PLD5: variants seen among roughly 807,000 people sequenced by gnomAD.
PLD5 encodes phospholipase D family member 5, also known as inactive phospholipase D5.
PLD5 carries 36 observed loss-of-function variants against 61.1 expected under a neutral mutation model. The ratio of observed to expected loss-of-function variants is 0.59; its 90% CI spans 0.45 to 0.78. PLD5 has a LOEUF of 0.78. Ranked by LOEUF, PLD5 falls within the 30% of genes least tolerant of loss-of-function variation. The pLI is 0.00. For missense variants in PLD5, 515 were observed against 644.4 expected, an observed-to-expected ratio of 0.80 and a Z score of 2.17; for synonymous variants, 243 against 242.8, an observed-to-expected ratio of 1.00 and a Z score of -0.01.
chr1:242,404,724 C>CCTT (rs66499858), intron 1 of PLD5, among the ~76,000 whole-genome samples: 2 of 19,850 alleles, frequency 1.0e-4, no homozygotes, highest in African/African-American at 1.1e-3. Context: ...CTTTTACTCA[C>CCTT]CTGACTCCAC....
At chr1:242,354,137 G>A (rs1349834338) in intron 1 of PLD5, among the ~76,000 whole-genome samples, 1 of 152,066 alleles carries the variant, frequency 6.6e-6, no homozygotes, top group East Asian at 1.9e-4. Context: ...ACCAGCAGAT[G>A]ATGATGAAAG....
rs982074925 is a variant in PLD5, at chr1:242,472,401, C to A, written c.189+51687G>T. Among the ~76,000 whole-genome samples, 9 of 152,324 alleles carry A rather than the reference C, an allele frequency of 5.9e-5. No individual in the cohort carries two copies. The East Asian group carries it at 1.7e-3, about 29-fold the overall frequency. ...GTGCGCCGATAGAGCAGAAGGCAAACCCTGCTGATCATTCTTATGAGTTTG... is the reference window on the plus strand; with the variant it reads ...GTGCGCCGATAGAGCAGAAGGCAAAACCTGCTGATCATTCTTATGAGTTTG... On this transcript the variant is annotated intron_variant, in intron 1 of 9. Transcript: ENST00000536534.
At chr1:242,451,317 A>T (rs6692842) in intron 1 of PLD5, among the ~76,000 whole-genome samples, 14,300 of 152,102 alleles carry the variant, frequency 0.094, 1,094 homozygotes, top group African/African-American at 0.21. Context: ...TATGACTGTC[A>T]CTCAACACTG....
intron 5 of PLD5, among the ~76,000 whole-genome samples, chr1:242,156,924 C>A (rs1432724793): frequency 6.6e-6 from 1 of 152,168 alleles, no homozygotes; most frequent in Non-Finnish European, 1.5e-5. Flanking sequence ...GGGAAGTTCT[C>A]CTGGATGATA....
At chr1:242,103,023 G>C (rs1660800241) in intron 8 of PLD5, among the ~76,000 whole-genome samples, 1 of 152,208 alleles carries the variant, frequency 6.6e-6, no homozygotes. Flanking sequence ...CTAGTGGCAG[G>C]TGTGCTGTGG....
At chr1:242,391,865 C>T (rs1377673745) in intron 1 of PLD5, among the ~76,000 whole-genome samples, 5 of 152,172 alleles carry the variant, frequency 3.3e-5, no homozygotes, top group Non-Finnish European at 5.9e-5. Context: ...TCTCAAAGAA[C>T]TTAAAACAGA....
intron 1 of PLD5, among the ~76,000 whole-genome samples, chr1:242,443,163 C>T (rs1183710053): frequency 6.6e-6 from 1 of 152,050 alleles, no homozygotes; most frequent in East Asian, 1.9e-4. Context: ...TGTGATTCCC[C>T]CCTTTTCCCT....
Position 242,148,802 on chromosome 1 carries a change from T to C in PLD5, c.736-24137A>G, listed in dbSNP as rs74150808. 8.9e-3 allele frequency among the ~76,000 whole-genome samples: 1,358 copies of C among 152,088 alleles called. 20 individuals carry two copies. Among genetic ancestry groups the C allele is most frequent in the African/African-American group, 0.031 (1,270 of 41,530 alleles). On this transcript the variant is annotated intron_variant, in intron 5 of 9. Transcript: ENST00000536534. ...GGTTGGGAACATTGATTTTTGTCTA[T>C]AGAAACACTGTATATAGAAAACATA...
chr1:242,094,110 C>T (rs1217653642), intron 9 of PLD5, among the ~76,000 whole-genome samples: 4 of 151,840 alleles, frequency 2.6e-5, no homozygotes, highest in African/African-American at 9.7e-5. Flanking sequence ...AATTGGGATG[C>T]AATTTCATCC....
chr1:242,301,718 CTG>C (rs1381458109), intron 2 of PLD5, among the ~76,000 whole-genome samples: 5 of 151,826 alleles, frequency 3.3e-5, no homozygotes, highest in Non-Finnish European at 5.9e-5. Flanking sequence ...AGTTGTAACA[CTG>C]TGTTTTTACA....
At chr1:242,351,855 C>CTATAT (rs1660494957) in intron 1 of PLD5, among the ~76,000 whole-genome samples, 1 of 152,158 alleles carries the variant, frequency 6.6e-6, no homozygotes, top group Non-Finnish European at 1.5e-5. Context: ...CCACATTTAG[C>CTATAT]AACTATATAA....
intron 2 of PLD5, among the ~76,000 whole-genome samples, chr1:242,343,350 G>C (rs1468893368): frequency 6.6e-6 from 1 of 152,150 alleles, no homozygotes; most frequent in African/African-American, 2.4e-5. Flanking sequence ...TTGGACTTCA[G>C]AACAAAGTAA....
intron 9 of PLD5, among the ~76,000 whole-genome samples, chr1:242,091,832 C>CTTTTTTTTTT (rs750237371): frequency 2.4e-5 from 3 of 123,428 alleles, no homozygotes; most frequent in Admixed American, 8.2e-5. Flanking sequence ...TTCTTTTTTT[C>CTTTTTTTTTT]TTTTTTTTTT....
At chr1:242,462,745 C>T (rs563823305) in intron 1 of PLD5, among the ~76,000 whole-genome samples, 2 of 152,082 alleles carry the variant, frequency 1.3e-5, no homozygotes, top group Non-Finnish European at 2.9e-5. Flanking sequence ...CATAGATAAC[C>T]TCACTGTTCC....
At chr1:242,126,414 T>C (rs1662786688) in intron 5 of PLD5, among the ~76,000 whole-genome samples, 1 of 152,138 alleles carries the variant, frequency 6.6e-6, no homozygotes, top group Admixed American at 6.5e-5. Flanking sequence ...CAAACTATAC[T>C]ATAAGGCCAC....
rs1302767379 is a variant in PLD5 at position 242,288,538 on chromosome 1, A to G, written c.327-8T>C. The G allele has an allele frequency of 6.3e-7, 1 of 1,593,310 alleles. No homozygotes were observed. The highest frequency in any genetic ancestry group is 8.5e-7 in the Non-Finnish European group (1 of 1,171,672). On this transcript the variant is annotated splice_polypyrimidine_tract_variant and splice_region_variant and intron_variant, in intron 2 of 9. Transcript: ENST00000536534. ...TTTTCCACCAGGGCAATTCTTAGAA[A>G]AGATTTTGAAAAACAAACAAACAAA... is the stretch of plus-strand genomic sequence containing the variant.
At chr1:242,304,095 TG>T (rs1326208758) in intron 2 of PLD5, among the ~76,000 whole-genome samples, 1 of 152,152 alleles carries the variant, frequency 6.6e-6, no homozygotes, top group Non-Finnish European at 1.5e-5. Context: ...CTCAAAACCT[TG>T]CAAGAAACCA....
intron 2 of PLD5, among the ~76,000 whole-genome samples, chr1:242,313,347 G>A (rs1676817516): frequency 6.6e-6 from 1 of 151,950 alleles, no homozygotes; most frequent in Admixed American, 6.6e-5. Flanking sequence ...ATCCATAAAG[G>A]GTATATGTTA....
At chr1:242,344,264 C>G (rs527528705) in intron 2 of PLD5, among the ~76,000 whole-genome samples, 4 of 152,116 alleles carry the variant, frequency 2.6e-5, no homozygotes, top group African/African-American at 9.7e-5. Context: ...TACAGCCTAC[C>G]GAAGCCAATA....
Sources: gnomAD v4.1 joint callset for allele counts (sites outside exome capture counted in the v4.1 genomes callset) on GRCh38, gnomAD v4.1.1 for gene constraint, MANE v1.5 for transcripts, NCBI Gene and HGNC (gene_info 2026-07-23, HGNC 2026-07-21) for gene names.